The following IL1RAPL2 variants were observed in gnomAD, a reference collection of about 807,000 sequenced individuals.
The protein encoded by IL1RAPL2 is interleukin 1 receptor accessory protein like 2, also known as X-linked interleukin-1 receptor accessory protein-like 2.
Under a neutral mutation model 44.1 loss-of-function variants are expected in IL1RAPL2, and 3 were observed. That is an observed-to-expected ratio of 0.07 (90% CI 0.03 to 0.18). IL1RAPL2 has a LOEUF of 0.18. Among genes scored for constraint, IL1RAPL2 ranks in the 10% least tolerant of loss-of-function variants. The probability of loss-of-function intolerance (pLI) is 1.00; values close to 1 mark genes in which losing one functional copy is unlikely to be tolerated. For synonymous variants in IL1RAPL2, 181 were observed against 178.8 expected (o/e 1.01, Z -0.10); for missense variants, 391 against 496.4 (o/e 0.79, Z 2.02).
intron 2 of IL1RAPL2, among the ~76,000 whole-genome samples, chrX:105,144,038 C>T (rs2033153820): frequency 9.2e-6 from 1 of 108,915 alleles, no homozygotes; most frequent in Admixed American, 9.8e-5. Context: ...ACTTAGGTCT[C>T]CTAGTGTACA....
chrX:104,833,261 T>G (rs1311649853), intron 2 of IL1RAPL2, among the ~76,000 whole-genome samples: 6 of 111,103 alleles, frequency 5.4e-5, no homozygotes, highest in Non-Finnish European at 9.4e-5. Flanking sequence ...CACCTCAGCC[T>G]CCCATGTAGG....
At chrX:105,148,696 TATC>T (rs1222204659) in intron 2 of IL1RAPL2, among the ~76,000 whole-genome samples, 1 of 111,806 alleles carries the variant, frequency 8.9e-6, no homozygotes, top group Non-Finnish European at 1.9e-5. Flanking sequence ...GCAAGAAAAT[TATC>T]ATAGGTCTTG....
intron 7 of IL1RAPL2, among the ~76,000 whole-genome samples, chrX:105,737,559 C>A (rs1424891536): frequency 9.0e-6 from 1 of 110,897 alleles, no homozygotes; most frequent in South Asian, 3.8e-4. Context: ...CTTTCTGCAG[C>A]CTGTGAAGAG....
chrX:105,761,720 C>T (rs2038689850), intron 10 of IL1RAPL2, among the ~76,000 whole-genome samples: 1 of 111,807 alleles, frequency 8.9e-6, no homozygotes. Context: ...ATAATAGCTG[C>T]TGTGCATAAC....
At chrX:104,951,308 AT>A (rs1426017047) in intron 2 of IL1RAPL2, among the ~76,000 whole-genome samples, 2 of 112,446 alleles carry the variant, frequency 1.8e-5, no homozygotes, top group African/African-American at 6.5e-5. Flanking sequence ...AAATAAATTG[AT>A]ATGACATGTG....
intron 1 of IL1RAPL2, among the ~76,000 whole-genome samples, chrX:104,635,130 G>T (rs1358246180): frequency 9.0e-6 from 1 of 111,281 alleles, no homozygotes; most frequent in Non-Finnish European, 1.9e-5. Flanking sequence ...ATGAAATTCT[G>T]GGTTGAAAAT....
chrX:105,596,606 T>C (rs765801866), intron 6 of IL1RAPL2, among the ~76,000 whole-genome samples: 7 of 111,936 alleles, frequency 6.3e-5, no homozygotes, highest in Non-Finnish European at 1.3e-4. Flanking sequence ...ATGCTCCACA[T>C]GTGCTTGAGA....
chrX:104,568,240 TA>T lies in IL1RAPL2; in HGVS notation c.-20+1190del, dbSNP rs762675918. ...TGGCCAGGGGAATCAAGCTGTAGAT[TA>T]TTAAACATGCGGCATAGCTGGGAAC... is the stretch of plus-strand genomic sequence containing the variant. On this transcript the variant is annotated intron_variant, in intron 1 of 10. Coordinates refer to ENST00000372582, the MANE Select transcript of IL1RAPL2 (RefSeq NM_017416.2). Among the ~76,000 whole-genome samples, 515 of 110,486 alleles carry T rather than the reference TA, an allele frequency of 4.7e-3. 2 individuals are homozygous for T. Among genetic ancestry groups the T allele is most frequent in the African/African-American group, 0.016 (487 of 30,370 alleles).
chrX:105,706,000 A>G (rs916341053), intron 6 of IL1RAPL2, among the ~76,000 whole-genome samples: 3 of 111,646 alleles, frequency 2.7e-5, no homozygotes, highest in Non-Finnish European at 5.7e-5. Context: ...ATTTTATAGC[A>G]TTTAGTATTT....
At chrX:105,161,072 T>G (rs903983258) in intron 2 of IL1RAPL2, among the ~76,000 whole-genome samples, 4 of 110,248 alleles carry the variant, frequency 3.6e-5, no homozygotes, top group African/African-American at 1.3e-4. Flanking sequence ...AAACACAATC[T>G]CTACAAAAAA....
chrX:105,452,545 A>C (rs1219238410), intron 5 of IL1RAPL2, among the ~76,000 whole-genome samples: 1 of 111,828 alleles, frequency 8.9e-6, no homozygotes, highest in African/African-American at 3.2e-5. Context: ...AGTCATAAAA[A>C]GATACTTGTG....
intron 2 of IL1RAPL2, among the ~76,000 whole-genome samples, chrX:105,118,495 T>C (rs1226175725): frequency 8.9e-6 from 1 of 112,205 alleles, no homozygotes; most frequent in Non-Finnish European, 1.9e-5. Flanking sequence ...AGGATTAAAT[T>C]TATTCCAAAG....
intron 4 of IL1RAPL2, among the ~76,000 whole-genome samples, chrX:105,244,155 G>C (rs1556211922): frequency 9.0e-6 from 1 of 110,855 alleles, no homozygotes; most frequent in African/African-American, 3.3e-5. Flanking sequence ...TTTGCTGCTT[G>C]AGGGGCCTCA....
chrX:105,180,087 A>G (rs890987593), intron 2 of IL1RAPL2, among the ~76,000 whole-genome samples: 1 of 110,629 alleles, frequency 9.0e-6, no homozygotes, highest in Non-Finnish European at 1.9e-5. Context: ...CTGTAATCCC[A>G]GTACTTTGGG....
chrX:105,442,724 C>A (rs2035929320), intron 5 of IL1RAPL2, among the ~76,000 whole-genome samples: 1 of 112,289 alleles, frequency 8.9e-6, no homozygotes, highest in Admixed American at 9.4e-5. Flanking sequence ...GCTCTGTGCC[C>A]AAACTGTATT....
intron 5 of IL1RAPL2, among the ~76,000 whole-genome samples, chrX:105,335,292 C>A (rs143317958): frequency 6.0e-4 from 67 of 111,524 alleles, no homozygotes; most frequent in African/African-American, 1.3e-3. Flanking sequence ...TCCCTTAACA[C>A]ATATACATTC....
intron 5 of IL1RAPL2, among the ~76,000 whole-genome samples, chrX:105,435,449 G>A (rs772099132): frequency 8.9e-6 from 1 of 111,800 alleles, no homozygotes; most frequent in South Asian, 3.7e-4. Flanking sequence ...TGGTGGGAAA[G>A]TAAATTAGTT....
At chrX:105,344,164 G>A (rs1309165026) in intron 5 of IL1RAPL2, among the ~76,000 whole-genome samples, 2 of 111,872 alleles carry the variant, frequency 1.8e-5, no homozygotes, top group Admixed American at 1.9e-4. Context: ...CAAAGTGCTG[G>A]GATTACACAT....
chrX:105,107,271 T>C (rs1177261234), intron 2 of IL1RAPL2, among the ~76,000 whole-genome samples: 1 of 112,174 alleles, frequency 8.9e-6, no homozygotes, highest in Non-Finnish European at 1.9e-5. Flanking sequence ...AGTGCAGCTA[T>C]GGGGCTTTGG....
Sources: gnomAD v4.1 joint callset for allele counts (sites outside exome capture counted in the v4.1 genomes callset) on GRCh38, gnomAD v4.1.1 for gene constraint, MANE v1.5 for transcripts, NCBI Gene and HGNC (gene_info 2026-07-23, HGNC 2026-07-21) for gene names.